ANK3: variants seen among roughly 807,000 people sequenced by gnomAD.
ANK3 encodes ankyrin-3.
Under a neutral mutation model 370.9 loss-of-function variants are expected in ANK3, and 57 were observed. The ratio of observed to expected loss-of-function variants is 0.15; its 90% CI spans 0.12 to 0.19. The LOEUF (loss-of-function observed/expected upper bound fraction) is 0.19, where lower values mean the gene tolerates loss of function less well. Ranked by LOEUF, ANK3 falls within the 10% of genes least tolerant of loss-of-function variation. ANK3 has a pLI of 1.00. For missense variants in ANK3, 4,439 were observed against 5,302.1 expected (o/e 0.84, Z 5.06); for synonymous variants, 1,929 against 1,946.3 (o/e 0.99, Z 0.23).
chr10:60,292,839 C>A (rs1047151189), intron 1 of ANK3, among the ~76,000 whole-genome samples: 4 of 151,944 alleles, frequency 2.6e-5, no homozygotes, highest in Admixed American at 2.6e-4. Context: ...TCCTGAGTAG[C>A]TGGAATTACA....
chr10:60,383,354 T>C (rs141896025), intron 1 of ANK3, among the ~76,000 whole-genome samples: 1 of 152,254 alleles, frequency 6.6e-6, no homozygotes, highest in Admixed American at 6.5e-5. Context: ...TACAACCCTA[T>C]CCTAAGCACA....
intron 2 of ANK3, among the ~76,000 whole-genome samples, chr10:60,590,682 G>A (rs918608069): frequency 5.3e-5 from 8 of 152,172 alleles, no homozygotes; most frequent in Non-Finnish European, 8.8e-5. Flanking sequence ...CATGGACATT[G>A]GGAAATCTGC....
At chr10:60,668,783 G>A (rs533255648) in intron 1 of ANK3, among the ~76,000 whole-genome samples, 14 of 152,274 alleles carry the variant, frequency 9.2e-5, no homozygotes, top group Non-Finnish European at 1.8e-4. Context: ...CACAAGGTCA[G>A]GAGTTCGAGA....
At chr10:60,440,341 T>A (rs916498746) in intron 2 of ANK3, among the ~76,000 whole-genome samples, 2 of 152,102 alleles carry the variant, frequency 1.3e-5, no homozygotes, top group African/African-American at 4.8e-5. Context: ...GACTCACAGT[T>A]ATGCATGGCT....
chr10:60,233,616 G>A (rs543835670), intron 8 of ANK3, among the ~76,000 whole-genome samples: 2 of 152,054 alleles, frequency 1.3e-5, no homozygotes, highest in East Asian at 3.9e-4. Flanking sequence ...CTCTTTTATT[G>A]GTAGAGATGG....
intron 1 of ANK3, among the ~76,000 whole-genome samples, chr10:60,363,743 C>T (rs1402015670): frequency 6.6e-6 from 1 of 152,118 alleles, no homozygotes; most frequent in Non-Finnish European, 1.5e-5. Context: ...ACAACCTTAA[C>T]ATGAATCACA....
intron 23 of ANK3, among the ~76,000 whole-genome samples, chr10:60,161,756 G>T (rs1428973127): frequency 6.6e-6 from 1 of 152,100 alleles, no homozygotes; most frequent in Non-Finnish European, 1.5e-5. Context: ...GGGATAAAGA[G>T]GGGATGGTTA....
chr10:60,610,488 G>T (rs764857448), intron 2 of ANK3, among the ~76,000 whole-genome samples: 88 of 138,598 alleles, frequency 6.3e-4, no homozygotes, highest in Non-Finnish European at 1.3e-3. Flanking sequence ...ACTACAGCCT[G>T]GGCAACGAGA....
intron 2 of ANK3, among the ~76,000 whole-genome samples, chr10:60,566,088 T>C (rs930777141): frequency 2.6e-5 from 4 of 152,210 alleles, no homozygotes; most frequent in Admixed American, 6.5e-5. Flanking sequence ...ATTATATCTA[T>C]TTGGTGATCT....
intron 1 of ANK3, among the ~76,000 whole-genome samples, chr10:60,632,718 C>A (rs985539539): frequency 3.3e-5 from 5 of 151,926 alleles, no homozygotes; most frequent in African/African-American, 1.2e-4. Context: ...GAGAACCCAC[C>A]TCTATAAAAA....
intron 41 of ANK3, among the ~76,000 whole-genome samples, chr10:60,056,933 G>A (rs751352163): frequency 2.5e-4 from 38 of 152,152 alleles, no homozygotes; most frequent in Non-Finnish European, 3.8e-4. Context: ...GCTGAGGTGG[G>A]AGGATCGCTT....
intron 1 of ANK3, among the ~76,000 whole-genome samples, chr10:60,324,102 T>C (rs557365202): frequency 1.2e-4 from 19 of 152,122 alleles, no homozygotes; most frequent in Non-Finnish European, 2.6e-4. Flanking sequence ...GGGACAAGCA[T>C]GTGAGATACT....
At chr10:60,241,368 A>G (rs1026940106) in intron 7 of ANK3, among the ~76,000 whole-genome samples, 2 of 152,312 alleles carry the variant, frequency 1.3e-5, no homozygotes, top group South Asian at 2.1e-4. Flanking sequence ...TCTTAATACA[A>G]TGTTTGTTCT....
chr10:60,280,846 T>A (rs1026441232), intron 1 of ANK3, among the ~76,000 whole-genome samples: 7 of 152,182 alleles, frequency 4.6e-5, no homozygotes, highest in Non-Finnish European at 8.8e-5. Context: ...ACCCCCCAGG[T>A]GGAGTTTAGT....
At chr10:60,395,549 C>CTTT (rs1567003992) in intron 2 of ANK3, among the ~76,000 whole-genome samples, 4 of 119,004 alleles carry the variant, frequency 3.4e-5, no homozygotes, top group Non-Finnish European at 7.4e-5. Context: ...AACTACTATG[C>CTTT]CTCTTTCTTT....
chr10:60,612,176 C>T (rs555193074), intron 2 of ANK3, among the ~76,000 whole-genome samples: 2 of 152,256 alleles, frequency 1.3e-5, no homozygotes, highest in East Asian at 3.9e-4. Context: ...CATTAAGTGA[C>T]AGGAGCTGCA....
intron 1 of ANK3, among the ~76,000 whole-genome samples, chr10:60,673,679 A>C (rs1208401840): frequency 6.6e-6 from 1 of 152,174 alleles, no homozygotes; most frequent in Non-Finnish European, 1.5e-5. Flanking sequence ...ATAAGGTCTC[A>C]CAAGTGTTCA....
intron 2 of ANK3, among the ~76,000 whole-genome samples, chr10:60,477,012 A>G (rs2075083484): frequency 6.6e-6 from 1 of 152,142 alleles, no homozygotes; most frequent in Non-Finnish European, 1.5e-5. Context: ...GCCTGCAAAA[A>G]AATCTTCTAG....
At chr10:60,145,788 G>A (rs988732268) in intron 23 of ANK3, among the ~76,000 whole-genome samples, 3 of 152,066 alleles carry the variant, frequency 2.0e-5, no homozygotes, top group Non-Finnish European at 2.9e-5. Context: ...CAAGAAATTC[G>A]TAATCAAAAT....
Sources: allele counts gnomAD v4.1 joint callset (sites outside exome capture counted in the v4.1 genomes callset), GRCh38; gene constraint gnomAD v4.1.1; transcripts MANE v1.5; gene names NCBI Gene and HGNC (gene_info 2026-07-23, HGNC 2026-07-21).